Variants in IGF2BP1 observed in about 807,000 individuals in gnomAD.
IGF2BP1 encodes the protein insulin-like growth factor 2 mRNA-binding protein 1.
A neutral mutation model predicts 74.9 loss-of-function variants in IGF2BP1; 11 were observed. The ratio of observed to expected loss-of-function variants is 0.15; its 90% CI spans 0.09 to 0.24. The LOEUF (loss-of-function observed/expected upper bound fraction) is 0.24, where lower values mean the gene tolerates loss of function less well. Ranked by LOEUF, IGF2BP1 falls within the 10% of genes least tolerant of loss-of-function variation. IGF2BP1 has a pLI of 1.00. For missense variants in IGF2BP1, 440 were observed against 757.4 expected (o/e 0.58, Z 4.92); for synonymous variants, 287 against 281.8 (o/e 1.02, Z -0.18).
chr17:49,028,557 G>C (rs2041883840), intron 4 of IGF2BP1, among the ~76,000 whole-genome samples: 1 of 152,208 alleles, frequency 6.6e-6, no homozygotes, highest in Non-Finnish European at 1.5e-5. Context: ...AGATTGAGCA[G>C]TGGCTTGGGA....
At chr17:49,033,562 C>T (rs949432101) in intron 5 of IGF2BP1, among the ~76,000 whole-genome samples, 7 of 151,876 alleles carry the variant, frequency 4.6e-5, no homozygotes, top group African/African-American at 7.3e-5. Context: ...AGGATGGTCT[C>T]GAACTCCTGA....
Position 49,046,381 on chromosome 17 carries a change from T to C in IGF2BP1, c.1641+8T>C, listed in dbSNP as rs776406957. ...CATTTCTATGCCAGTCAGGTACATATGGTGCTCCCCCATTGAGGGAGGGCT... is the reference window on the plus strand; with the variant it reads ...CATTTCTATGCCAGTCAGGTACATACGGTGCTCCCCCATTGAGGGAGGGCT... On this transcript the variant is annotated splice_region_variant and intron_variant, in intron 14 of 14. Coordinates refer to ENST00000290341, the MANE Select transcript of IGF2BP1 (RefSeq NM_006546.4). The C allele has an allele frequency of 4.7e-5, 76 of 1,602,684 alleles. No homozygotes were observed. The highest frequency in any genetic ancestry group is 6.0e-5 in the Non-Finnish European group (70 of 1,169,830).
intron 2 of IGF2BP1, among the ~76,000 whole-genome samples, chr17:49,000,598 G>T (rs1049842687): frequency 1.3e-5 from 2 of 152,144 alleles, no homozygotes; most frequent in Admixed American, 1.3e-4. Context: ...ACACCAGCAG[G>T]TTTATTGAAA....
chr17:49,021,386 A>G (rs2041790593), intron 2 of IGF2BP1, among the ~76,000 whole-genome samples: 1 of 152,002 alleles, frequency 6.6e-6, no homozygotes, highest in African/African-American at 2.4e-5. Flanking sequence ...TTTCTCCTGA[A>G]TCACCCCTGG....
intron 8 of IGF2BP1, 143 bp downstream of exon 8, chr17:49,041,643 A>G: frequency 8.7e-7 from 1 of 1,150,264 alleles, no homozygotes; most frequent in South Asian, 1.5e-5. Context: ...GAAGTGGTAA[A>G]GAGCATTTAA....
intron 2 of IGF2BP1, chr17:49,018,107 A>G (rs2041731517): frequency 1.3e-5 from 2 of 152,254 alleles, no homozygotes; most frequent in Admixed American, 6.5e-5. Flanking sequence ...GCTCAGTTGG[A>G]CTGGCCACGC....
chr17:49,046,118 A>C (rs917691692), intron 13 of IGF2BP1, 97 bp downstream of exon 13: 18 of 1,501,984 alleles, frequency 1.2e-5, no homozygotes, highest in Non-Finnish European at 1.6e-5. Context: ...AGGACTCCTG[A>C]TTTGCTCATT....
chr17:49,034,751 A>C (rs1204904983), intron 5 of IGF2BP1, among the ~76,000 whole-genome samples: 1 of 121,036 alleles, frequency 8.3e-6, no homozygotes, highest in East Asian at 2.3e-4. Context: ...AAAACACAAA[A>C]AAAACAAAAA....
chr17:49,008,564 C>T (rs1218854638), intron 2 of IGF2BP1, among the ~76,000 whole-genome samples: 1 of 152,100 alleles, frequency 6.6e-6, no homozygotes, highest in South Asian at 2.1e-4. Flanking sequence ...ATCTTTGTTC[C>T]ACTCTTCTAC....
In IGF2BP1 at chr17:49,025,673, G is replaced by A. The variant is rs1407065072; in HGVS notation, c.285+7G>A. 4 of 1,610,798 alleles carry A rather than the reference G, an allele frequency of 2.5e-6. No individual in the cohort carries two copies. Among genetic ancestry groups the A allele is most frequent in the Non-Finnish European group, 3.4e-6 (4 of 1,178,862 alleles). ...ACCCCAGCTCCGATGGGAAGTAAGT[G>A]TTTGGGGGAAACTCTAAATGGAGTG... is the stretch of plus-strand genomic sequence containing the variant. On this transcript the variant is annotated splice_region_variant and intron_variant, in intron 3 of 14. Transcript: ENST00000290341.
intron 2 of IGF2BP1, among the ~76,000 whole-genome samples, chr17:49,020,583 C>T (rs556720028): frequency 6.6e-6 from 1 of 152,208 alleles, no homozygotes; most frequent in South Asian, 2.1e-4. Context: ...TTTTTGATGA[C>T]ATAAAAGGGA....
chr17:49,021,616 G>A (rs1461194297), intron 2 of IGF2BP1, among the ~76,000 whole-genome samples: 1 of 152,230 alleles, frequency 6.6e-6, no homozygotes, highest in African/African-American at 2.4e-5. Flanking sequence ...CAGAAAAATA[G>A]GCTGGTGCAA....
At chr17:49,007,837 A>G (rs2041568726) in intron 2 of IGF2BP1, among the ~76,000 whole-genome samples, 1 of 152,204 alleles carries the variant, frequency 6.6e-6, no homozygotes, top group Non-Finnish European at 1.5e-5. Flanking sequence ...CAACTGTAAT[A>G]GAGACCAGTT....
At chr17:49,036,364 G>A (rs1484078453) in intron 5 of IGF2BP1, 1 of 151,994 alleles carries the variant, frequency 6.6e-6, no homozygotes, top group African/African-American at 2.4e-5. Context: ...GTTCGCTTCG[G>A]CAGCACATAT....
At chr17:49,004,054 C>G (rs188977591) in intron 2 of IGF2BP1, among the ~76,000 whole-genome samples, 9 of 152,130 alleles carry the variant, frequency 5.9e-5, no homozygotes, top group African/African-American at 1.7e-4. Flanking sequence ...GCGGCCCTAA[C>G]CTTCCCCGCC....
chr17:49,038,027 G>A (rs2042008584), intron 5 of IGF2BP1, 141 bp from the exon 6 acceptor site: 1 of 626,446 alleles, frequency 1.6e-6, no homozygotes, highest in Non-Finnish European at 2.5e-6. Context: ...GAAAAATGGA[G>A]GTGGAGGTAG....
At chr17:49,046,499 C>T (rs1471126705) in intron 14 of IGF2BP1, 126 bp downstream of exon 14, 4 of 667,544 alleles carry the variant, frequency 6.0e-6, no homozygotes, top group African/African-American at 3.6e-5. Context: ...ATCTGCCTGC[C>T]TCTAGGCTAG....
At chr17:49,021,030 C>A (rs78228532) in intron 2 of IGF2BP1, among the ~76,000 whole-genome samples, 12,107 of 150,956 alleles carry the variant, frequency 0.08, 580 homozygotes, top group Non-Finnish European at 0.085. Flanking sequence ...GTGGCCCCAG[C>A]TGCTCAGGGG....
rs913810571 is a variant in IGF2BP1 at position 49,053,032 on chromosome 17, C to G, written c.*3588C>G. The G allele has an allele frequency of 6.6e-6, 1 of 152,210 alleles. No individual in the cohort carries two copies. Among genetic ancestry groups the G allele is most frequent in the Non-Finnish European group, 1.5e-5 (1 of 68,044 alleles). 9.4% of individuals were successfully genotyped at this position (152,210 alleles called of 1,614,324 possible). The stretch of plus-strand genomic sequence containing the variant: ...GCAGTTTGGGTTGTGGACTCAGCTC[C>G]TGTGAGGGGTCTGGTTAGGAGAGAG... On this transcript the variant is annotated 3_prime_UTR_variant, in exon 15 of 15. Coordinates refer to ENST00000290341, the MANE Select transcript of IGF2BP1 (RefSeq NM_006546.4).
Sources: allele counts gnomAD v4.1 joint callset (sites outside exome capture counted in the v4.1 genomes callset), GRCh38; gene constraint gnomAD v4.1.1; transcripts MANE v1.5; gene names NCBI Gene and HGNC (gene_info 2026-07-23, HGNC 2026-07-21).